SGCD: variants seen among roughly 807,000 people sequenced by gnomAD.
The protein encoded by SGCD is sarcoglycan delta.
A neutral mutation model predicts 36.6 loss-of-function variants in SGCD; 18 were observed. That is an observed-to-expected ratio of 0.49 (90% CI 0.34 to 0.73). The LOEUF (loss-of-function observed/expected upper bound fraction) is 0.73, where lower values mean the gene tolerates loss of function less well. Among genes scored for constraint, SGCD ranks in the 30% least tolerant of loss-of-function variants. The pLI, the probability that SGCD is intolerant of heterozygous loss-of-function variation, is 0.01. For synonymous variants in SGCD, 133 were observed against 130.6 expected (o/e 1.02, Z -0.12); for missense variants, 387 against 346.7 (o/e 1.12, Z -0.92).
At chr5:156,651,039 T>C (rs573457800) in intron 7 of SGCD, among the ~76,000 whole-genome samples, 1 of 152,314 alleles carries the variant, frequency 6.6e-6, no homozygotes, top group East Asian at 1.9e-4. Flanking sequence ...TAGTATCTCA[T>C]TGTGATTTTG....
intron 1 of SGCD, among the ~76,000 whole-genome samples, chr5:156,032,034 C>T (rs1453369219): frequency 4.6e-5 from 7 of 152,050 alleles, no homozygotes; most frequent in South Asian, 2.1e-4. Context: ...CAGTGAGAAT[C>T]GCTGCTTACA....
chr5:155,854,530 T>C, the SGCD span, among the ~76,000 whole-genome samples: 2 of 152,200 alleles, frequency 1.3e-5, no homozygotes, highest in Non-Finnish European at 2.9e-5. Flanking sequence ...ATATCTGATT[T>C]AAATTCTCTT....
intron 1 of SGCD, among the ~76,000 whole-genome samples, chr5:155,921,603 C>T (rs1164723022): frequency 6.6e-6 from 1 of 152,006 alleles, no homozygotes; most frequent in African/African-American, 2.4e-5. Flanking sequence ...AGTGTCAGTG[C>T]GAGACAGATT....
intron 3 of SGCD, among the ~76,000 whole-genome samples, chr5:156,479,190 T>C (rs1054181656): frequency 6.6e-6 from 1 of 152,040 alleles, no homozygotes; most frequent in Non-Finnish European, 1.5e-5. Context: ...CCTCCCAGGT[T>C]CAAGCGATTC....
chr5:156,682,999 A>G (rs1411238798), intron 7 of SGCD, among the ~76,000 whole-genome samples: 1 of 152,202 alleles, frequency 6.6e-6, no homozygotes, highest in Non-Finnish European at 1.5e-5. Flanking sequence ...GGATATTAAA[A>G]CAGTTGACAC....
intron 3 of SGCD, among the ~76,000 whole-genome samples, chr5:156,461,473 A>C (rs1364439052): frequency 1.3e-5 from 2 of 152,152 alleles, no homozygotes; most frequent in African/African-American, 2.4e-5. Flanking sequence ...GATAAAATGA[A>C]ACAATTTTAA....
chr5:156,749,943 A>G (rs1757089788), intron 7 of SGCD, among the ~76,000 whole-genome samples: 1 of 151,812 alleles, frequency 6.6e-6, no homozygotes. Flanking sequence ...ACACTCTTTT[A>G]TGAATACAGA....
At chr5:156,589,642 T>C (rs970224708) in intron 5 of SGCD, among the ~76,000 whole-genome samples, 4 of 152,148 alleles carry the variant, frequency 2.6e-5, no homozygotes, top group African/African-American at 9.7e-5. Flanking sequence ...CTTGCTCCAA[T>C]GCTGGAGGAA....
At chr5:156,620,255 C>T (rs936649944) in intron 6 of SGCD, among the ~76,000 whole-genome samples, 1 of 152,068 alleles carries the variant, frequency 6.6e-6, no homozygotes, top group Non-Finnish European at 1.5e-5. Context: ...CTAATGAGTA[C>T]CTGATATGTT....
chr5:156,361,211 C>T (rs1003890752), intron 3 of SGCD, among the ~76,000 whole-genome samples: 1 of 152,080 alleles, frequency 6.6e-6, no homozygotes, highest in African/African-American at 2.4e-5. Context: ...GTGGGCAAGC[C>T]AAATAATAGG....
intron 4 of SGCD, among the ~76,000 whole-genome samples, chr5:156,526,814 C>G (rs926784078): frequency 1.3e-5 from 2 of 152,080 alleles, no homozygotes; most frequent in African/African-American, 4.8e-5. Flanking sequence ...TTCGGGAAAA[C>G]AGAGATACGT....
At chr5:156,509,099 C>CTT (rs1245903065) in intron 4 of SGCD, among the ~76,000 whole-genome samples, 1 of 152,120 alleles carries the variant, frequency 6.6e-6, no homozygotes, top group Non-Finnish European at 1.5e-5. Flanking sequence ...TTCATTAAGA[C>CTT]TTTACACTGT....
chr5:156,634,142 T>C lies in SGCD; in HGVS notation c.503-13322T>C, dbSNP rs112216148. ...CTTCCCCACAGGACAACGAGCCTAC[T>C]CTCCACTAAGGTTAGGTGTTTACAG... On this transcript the variant is annotated intron_variant, in intron 6 of 8. Transcript: ENST00000337851. Among the ~76,000 whole-genome samples, 1,152 of 152,304 alleles carry C rather than the reference T, an allele frequency of 7.6e-3. 15 individuals are homozygous for C. Among genetic ancestry groups the C allele is most frequent in the African/African-American group, 0.026 (1,077 of 41,560 alleles).
chr5:156,277,324 G>T (rs998435035), intron 3 of SGCD, among the ~76,000 whole-genome samples: 4 of 152,112 alleles, frequency 2.6e-5, no homozygotes, highest in Admixed American at 2.6e-4. Context: ...TGGCTGCAGT[G>T]CAGGCAACAT....
intron 1 of SGCD, among the ~76,000 whole-genome samples, chr5:155,992,437 G>A (rs1297615994): frequency 1.3e-5 from 2 of 152,048 alleles, no homozygotes; most frequent in South Asian, 2.1e-4. Flanking sequence ...TGAAAAATTA[G>A]CATCACTAAT....
At chr5:155,744,838 T>A in the SGCD span, among the ~76,000 whole-genome samples, 1 of 152,212 alleles carries the variant, frequency 6.6e-6, no homozygotes, top group Non-Finnish European at 1.5e-5. Context: ...GATGAGATAA[T>A]GGCTATTTTC....
intron 3 of SGCD, among the ~76,000 whole-genome samples, chr5:156,171,245 A>G (rs1763339423): frequency 6.6e-6 from 1 of 152,194 alleles, no homozygotes; most frequent in African/African-American, 2.4e-5. Context: ...TAGAAGAACT[A>G]ATAGCATTTT....
intron 7 of SGCD, among the ~76,000 whole-genome samples, chr5:156,686,557 A>G (rs912315006): frequency 6.6e-6 from 1 of 152,208 alleles, no homozygotes; most frequent in Non-Finnish European, 1.5e-5. Flanking sequence ...AGCTGTCTTC[A>G]TCCTTGAACA....
Position 156,713,082 on chromosome 5 carries a change from A to G in SGCD, c.576-44499A>G, listed in dbSNP as rs17053827. Among the ~76,000 whole-genome samples, 2,495 of 152,200 alleles carry G rather than the reference A, an allele frequency of 0.016. 137 individuals are homozygous for G. In the East Asian group the frequency reaches 0.21, roughly 13 times the overall value. ...AACAATCAACTTTCCTCTCAGGTAG[A>G]AATCCCCTATGATTAGGGGTAGCCG... On this transcript the variant is annotated intron_variant, in intron 7 of 8. Transcript: ENST00000337851.
Sources: allele counts gnomAD v4.1 joint callset (sites outside exome capture counted in the v4.1 genomes callset), GRCh38; gene constraint gnomAD v4.1.1; transcripts MANE v1.5; gene names NCBI Gene and HGNC (gene_info 2026-07-23, HGNC 2026-07-21).